Variants in RAD51B observed in about 807,000 individuals in gnomAD.
RAD51B encodes RAD51 paralog B.
Under a neutral mutation model 42.2 loss-of-function variants are expected in RAD51B, and 38 were observed. The ratio of observed to expected loss-of-function variants is 0.90; its 90% confidence interval spans 0.70 to 1.18. The LOEUF is 1.18. Ranked by LOEUF, RAD51B falls within the 50% of genes most tolerant of loss-of-function variation. The pLI, the probability that RAD51B is intolerant of heterozygous loss-of-function variation, is 0.00. For missense variants in RAD51B, 373 were observed against 400.7 expected (o/e 0.93, Z 0.59); for synonymous variants, 154 against 145.2 (o/e 1.06, Z -0.43).
chr14:68,462,075 A>T (rs1000575956), intron 9 of RAD51B, among the ~76,000 whole-genome samples: 1 of 152,230 alleles, frequency 6.6e-6, no homozygotes, highest in Non-Finnish European at 1.5e-5. Context: ...AGATCTGCTG[A>T]GTCCCACTGA....
At chr14:67,898,181 A>T (rs2043487015) in intron 7 of RAD51B, among the ~76,000 whole-genome samples, 1 of 152,228 alleles carries the variant, frequency 6.6e-6, no homozygotes, top group South Asian at 2.1e-4. Context: ...CTAAATGTCC[A>T]TCCATGGATG....
intron 7 of RAD51B, among the ~76,000 whole-genome samples, chr14:68,058,548 A>C (rs1423995327): frequency 6.6e-6 from 1 of 152,212 alleles, no homozygotes; most frequent in Non-Finnish European, 1.5e-5. Context: ...AGTTAGTTGC[A>C]TATCATACAT....
chr14:68,391,675 G>T (rs909117285), intron 8 of RAD51B, among the ~76,000 whole-genome samples: 1 of 151,844 alleles, frequency 6.6e-6, no homozygotes, highest in African/African-American at 2.4e-5. Flanking sequence ...GACTTTCAGG[G>T]GATATCTATT....
At chr14:68,035,918 G>A (rs1003047840) in intron 7 of RAD51B, among the ~76,000 whole-genome samples, 4 of 152,194 alleles carry the variant, frequency 2.6e-5, no homozygotes, top group Admixed American at 2.0e-4. Flanking sequence ...GATGGCATAA[G>A]TGAATGTTAA....
At chr14:68,284,933 C>T (rs945031122) in intron 7 of RAD51B, among the ~76,000 whole-genome samples, 18 of 152,128 alleles carry the variant, frequency 1.2e-4, no homozygotes, top group Non-Finnish European at 2.9e-5. Context: ...GAGAGGCATG[C>T]GTCTGGGAGC....
At chr14:68,513,027 G>A (rs1044221702) in intron 10 of RAD51B, among the ~76,000 whole-genome samples, 1 of 152,142 alleles carries the variant, frequency 6.6e-6, no homozygotes, top group Non-Finnish European at 1.5e-5. Context: ...GCCAGAGACT[G>A]GAGTAGAGTG....
At chr14:68,361,286 A>C (rs530845295) in intron 8 of RAD51B, among the ~76,000 whole-genome samples, 1 of 152,316 alleles carries the variant, frequency 6.6e-6, no homozygotes, top group Admixed American at 6.5e-5. Flanking sequence ...CAACTCACCC[A>C]GGGTCATAGA....
intron 7 of RAD51B, among the ~76,000 whole-genome samples, chr14:68,178,641 T>C (rs938415883): frequency 6.6e-6 from 1 of 152,194 alleles, no homozygotes; most frequent in Non-Finnish European, 1.5e-5. Flanking sequence ...ATTTTTAGGC[T>C]GTTTCTGGAG....
At chr14:68,602,000 C>T (rs550842701) in intron 10 of RAD51B, among the ~76,000 whole-genome samples, 2 of 152,240 alleles carry the variant, frequency 1.3e-5, no homozygotes, top group African/African-American at 4.8e-5. Context: ...CCCCTCTGTG[C>T]AAGCCTTATT....
chr14:68,043,833 G>A (rs942818187), intron 7 of RAD51B, among the ~76,000 whole-genome samples: 1 of 152,156 alleles, frequency 6.6e-6, no homozygotes, highest in African/African-American at 2.4e-5. Context: ...AAGCCAAATT[G>A]CCAAAGATGG....
chr14:67,840,825 A>G (rs890254790), intron 4 of RAD51B, among the ~76,000 whole-genome samples: 56 of 142,396 alleles, frequency 3.9e-4, no homozygotes, highest in African/African-American at 1.4e-3. Flanking sequence ...TTTTTTTGGG[A>G]CAGAGTCTCA....
intron 9 of RAD51B, among the ~76,000 whole-genome samples, chr14:68,425,202 A>C (rs1416260043): frequency 6.6e-6 from 1 of 152,224 alleles, no homozygotes; most frequent in African/African-American, 2.4e-5. Flanking sequence ...GATAAGTTGG[A>C]TGAGTGACTG....
At chr14:68,021,287 C>T (rs1442084531) in intron 7 of RAD51B, among the ~76,000 whole-genome samples, 1 of 152,172 alleles carries the variant, frequency 6.6e-6, no homozygotes, top group African/African-American at 2.4e-5. Context: ...GAAATGATGC[C>T]TTCACACGAG....
chr14:67,915,410 C>G (rs1322559584), intron 7 of RAD51B, among the ~76,000 whole-genome samples: 1 of 152,168 alleles, frequency 6.6e-6, no homozygotes, highest in Non-Finnish European at 1.5e-5. Context: ...TGAATGAGTT[C>G]TTTCAGAATA....
chr14:67,984,153 G>C (rs2075143793), intron 7 of RAD51B, among the ~76,000 whole-genome samples: 1 of 152,018 alleles, frequency 6.6e-6, no homozygotes, highest in Admixed American at 6.6e-5. Context: ...TGGCCAGGCT[G>C]GTCTCGATCT....
intron 7 of RAD51B, among the ~76,000 whole-genome samples, chr14:67,938,814 A>C (rs190654451): frequency 6.6e-6 from 1 of 152,318 alleles, no homozygotes; most frequent in East Asian, 1.9e-4. Flanking sequence ...AAATGGTCTC[A>C]CTTGACAATT....
intron 8 of RAD51B, among the ~76,000 whole-genome samples, chr14:68,298,257 A>G (rs1208966929): frequency 6.6e-6 from 1 of 152,248 alleles, no homozygotes; most frequent in Non-Finnish European, 1.5e-5. Context: ...TGTAAATCCC[A>G]AAAGGGAGAG....
chr14:68,453,201 A>G (rs1251359744), intron 9 of RAD51B, among the ~76,000 whole-genome samples: 1 of 152,242 alleles, frequency 6.6e-6, no homozygotes, highest in Non-Finnish European at 1.5e-5. Flanking sequence ...ACATATGTAT[A>G]TTCTTTCTCA....
At chr14:68,443,638 C>T (rs950463414) in intron 9 of RAD51B, among the ~76,000 whole-genome samples, 2 of 151,886 alleles carry the variant, frequency 1.3e-5, no homozygotes, top group Non-Finnish European at 2.9e-5. Context: ...CATTTCTTTC[C>T]ATTTTTCAAA....
Sources: allele counts gnomAD v4.1 joint callset (sites outside exome capture counted in the v4.1 genomes callset), GRCh38; gene constraint gnomAD v4.1.1; transcripts MANE v1.5; gene names NCBI Gene and HGNC (gene_info 2026-07-23, HGNC 2026-07-21).